SNTG1: variants seen among roughly 807,000 people sequenced by gnomAD.
SNTG1 encodes gamma-1-syntrophin.
SNTG1 carries 39 observed loss-of-function variants against 74.7 expected under a neutral mutation model. That is an observed-to-expected ratio of 0.52 (90% CI 0.40 to 0.68). The LOEUF is 0.68. Among genes scored for constraint, SNTG1 ranks in the 30% least tolerant of loss-of-function variants. The pLI is 0.00. For synonymous variants in SNTG1, 254 were observed against 217.1 expected (o/e 1.17, Z -1.49); for missense variants, 685 against 609.5 (o/e 1.12, Z -1.30).
At chr8:50,376,756 T>TAGAGAGAG (rs58103614) in intron 2 of SNTG1, among the ~76,000 whole-genome samples, 42 of 89,912 alleles carry the variant, frequency 4.7e-4, no homozygotes, top group Non-Finnish European at 5.6e-4. Context: ...TATATATATA[T>TAGAGAGAG]AGAGAGAGAG....
intron 13 of SNTG1, among the ~76,000 whole-genome samples, chr8:50,599,265 C>A (rs2094755223): frequency 6.6e-6 from 1 of 151,942 alleles, no homozygotes; most frequent in Non-Finnish European, 1.5e-5. Context: ...CTTACTATAT[C>A]TCTATAGTAT....
At chr8:50,128,765 A>C (rs2081224715) in intron 1 of SNTG1, among the ~76,000 whole-genome samples, 1 of 152,162 alleles carries the variant, frequency 6.6e-6, no homozygotes, top group Admixed American at 6.6e-5. Context: ...CATAAATGTT[A>C]GTTCTAATTA....
chr8:50,197,570 G>A (rs1000611490), intron 2 of SNTG1, among the ~76,000 whole-genome samples: 3 of 152,138 alleles, frequency 2.0e-5, no homozygotes, highest in African/African-American at 7.2e-5. Context: ...TTTCCCTTGT[G>A]TGAGAATATC....
rs188111555 is a variant in SNTG1 at position 50,693,145 on chromosome 8, C to T, written c.1039-11455C>T. Among the ~76,000 whole-genome samples the T allele has an allele frequency of 1.7e-3, 252 of 152,218 alleles. 1 individual carries two copies. Among genetic ancestry groups the T allele is most frequent in the Non-Finnish European group, 8.7e-4 (59 of 68,012 alleles). On this transcript the variant is annotated intron_variant, in intron 15 of 18. Transcript: ENST00000642720. ...GGGAGTGACCCAATTTTCCAGGTGC[C>T]GTCTGTCACCCCTTTCTTTGACTAG...
chr8:50,138,643 T>C, intron 1 of SNTG1, among the ~76,000 whole-genome samples: 1 of 147,502 alleles, frequency 6.8e-6, no homozygotes, highest in South Asian at 2.1e-4. Context: ...ATAATAATAA[T>C]AATAATAATA....
At chr8:50,660,410 A>G (rs75168290) in intron 15 of SNTG1, among the ~76,000 whole-genome samples, 10 of 3,568 alleles carry the variant, frequency 2.8e-3, no homozygotes, top group South Asian at 0.013. Flanking sequence ...AGAAAGAAAG[A>G]AAAGAAAGAA....
chr8:50,706,551 T>G (rs2095443990), intron 16 of SNTG1, among the ~76,000 whole-genome samples: 1 of 152,180 alleles, frequency 6.6e-6, no homozygotes, highest in Non-Finnish European at 1.5e-5. Flanking sequence ...TCTTTGAATC[T>G]GGGCTTTGTA....
chr8:50,344,048 C>T (rs561145627), intron 2 of SNTG1, among the ~76,000 whole-genome samples: 41 of 152,232 alleles, frequency 2.7e-4, no homozygotes, highest in African/African-American at 9.1e-4. Context: ...TTCCCAAAAG[C>T]AGCATGGAAA....
chr8:50,652,872 C>A (rs1365370304), intron 13 of SNTG1, among the ~76,000 whole-genome samples: 1 of 151,448 alleles, frequency 6.6e-6, no homozygotes, highest in African/African-American at 2.4e-5. Context: ...AAAATCTAAA[C>A]ATTATTATGT....
intron 1 of SNTG1, chr8:49,915,066 A>C (rs1563341317): frequency 6.6e-6 from 1 of 152,196 alleles, no homozygotes; most frequent in East Asian, 1.9e-4. Flanking sequence ...AACAAGTACT[A>C]CTTGACAGTC....
At chr8:50,132,338 C>T (rs143716632) in intron 1 of SNTG1, among the ~76,000 whole-genome samples, 1 of 152,068 alleles carries the variant, frequency 6.6e-6, no homozygotes, top group East Asian at 1.9e-4. Flanking sequence ...TTGAAACATC[C>T]TAAATTTTAT....
chr8:50,108,659 A>T (rs1563607618), intron 1 of SNTG1, among the ~76,000 whole-genome samples: 1 of 152,166 alleles, frequency 6.6e-6, no homozygotes, highest in South Asian at 2.1e-4. Context: ...ATTTTCTTGA[A>T]CCTAAAATAT....
rs148537534 is a variant in SNTG1 at position 50,364,919 on chromosome 8, A to G, written c.-27-29293A>G. Among the ~76,000 whole-genome samples the G allele has an allele frequency of 2.8e-3, 424 of 152,124 alleles. 2 individuals are homozygous for G. The highest frequency in any genetic ancestry group is 9.2e-3 in the African/African-American group (382 of 41,542). The stretch of plus-strand genomic sequence containing the variant: ...AAATAATATAATTTTATTTTTTCAA[A>G]CAGAAAAAATCATTTAAGGCTTTTT... On this transcript the variant is annotated intron_variant, in intron 2 of 18. Coordinates refer to ENST00000642720, the MANE Select transcript of SNTG1 (RefSeq NM_018967.5).
intron 1 of SNTG1, among the ~76,000 whole-genome samples, chr8:50,137,502 T>C (rs781252128): frequency 7.9e-5 from 12 of 152,178 alleles, no homozygotes; most frequent in African/African-American, 1.2e-4. Context: ...GAGTTTATCT[T>C]TCAGTGGAGG....
chr8:50,332,746 G>A (rs1453354393), intron 2 of SNTG1, among the ~76,000 whole-genome samples: 1 of 152,160 alleles, frequency 6.6e-6, no homozygotes, highest in African/African-American at 2.4e-5. Context: ...TTAGCCGTTA[G>A]AATAGATTAT....
intron 8 of SNTG1, among the ~76,000 whole-genome samples, chr8:50,477,148 AG>A (rs138952200): frequency 0.023 from 3,499 of 152,098 alleles, 125 homozygotes; most frequent in African/African-American, 0.077. Context: ...GTACTCATGG[AG>A]GTGAAGTATG....
chr8:50,623,673 T>C (rs749897059), intron 13 of SNTG1, among the ~76,000 whole-genome samples: 6 of 151,510 alleles, frequency 4.0e-5, no homozygotes, highest in Non-Finnish European at 7.4e-5. Flanking sequence ...CTCTATATCA[T>C]GAAGTATTTG....
chr8:50,587,029 TCTAC>T (rs1454385209), intron 12 of SNTG1, among the ~76,000 whole-genome samples: 1 of 152,084 alleles, frequency 6.6e-6, no homozygotes, highest in Non-Finnish European at 1.5e-5. Context: ...TACACATATG[TCTAC>T]TTATGTATGC....
chr8:49,954,979 C>CA (rs1435631993), intron 1 of SNTG1, among the ~76,000 whole-genome samples: 1 of 152,056 alleles, frequency 6.6e-6, no homozygotes, highest in South Asian at 2.1e-4. Context: ...ATCAATGACT[C>CA]AAAAAATGTG....
Sources: allele counts gnomAD v4.1 joint callset (sites outside exome capture counted in the v4.1 genomes callset), GRCh38; gene constraint gnomAD v4.1.1; transcripts MANE v1.5; gene names NCBI Gene and HGNC (gene_info 2026-07-23, HGNC 2026-07-21).